TTC28: variants seen among roughly 807,000 people sequenced by gnomAD.
The protein encoded by TTC28 is tetratricopeptide repeat domain 28.
TTC28 carries 61 observed loss-of-function variants against 198.0 expected under a neutral mutation model. The ratio of observed to expected loss-of-function variants is 0.31; its 90% confidence interval spans 0.25 to 0.38. TTC28 has a LOEUF of 0.38. Among genes scored for constraint, TTC28 ranks in the 10% least tolerant of loss-of-function variants. The pLI is 1.00. For missense variants in TTC28, 2,678 were observed against 3,164.0 expected (o/e 0.85, Z 3.69); for synonymous variants, 1,171 against 1,297.8 (o/e 0.90, Z 2.10).
chr22:28,094,358 C>T (rs1457331068), intron 11 of TTC28, 113 bp from the exon 12 acceptor site: 6 of 1,207,140 alleles, frequency 5.0e-6, no homozygotes, highest in African/African-American at 1.5e-5. Flanking sequence ...ACAAGCATGC[C>T]ATCCTGCAAA....
intron 1 of TTC28, among the ~76,000 whole-genome samples, chr22:28,638,654 A>G (rs1359495116): frequency 6.6e-6 from 1 of 152,172 alleles, no homozygotes; most frequent in African/African-American, 2.4e-5. Context: ...GACAAATCAC[A>G]AAAAAAGGAA....
At position 28,446,712 on chromosome 22, in the gene TTC28, A is replaced by C. The variant is rs184939088; in HGVS notation, c.382-140069T>G. The stretch of plus-strand genomic sequence containing the variant: ...GTATAGCCTGCAGAACCATAAGCCA[A>C]TTAAACCTCTTTTCTTTATAAATTA... On this transcript the variant is annotated intron_variant, in intron 2 of 22. Transcript: ENST00000397906. 3.3e-5 allele frequency among the ~76,000 whole-genome samples: 5 copies of C among 152,280 alleles called. No individual in the cohort carries two copies. The East Asian group carries it at 9.6e-4, about 29-fold the overall frequency.
At chr22:28,493,988 TG>T (rs2048416553) in intron 2 of TTC28, among the ~76,000 whole-genome samples, 1 of 152,126 alleles carries the variant, frequency 6.6e-6, no homozygotes, top group African/African-American at 2.4e-5. Context: ...ACAAACACAC[TG>T]TGGGGTGAGA....
intron 2 of TTC28, among the ~76,000 whole-genome samples, chr22:28,486,495 G>T (rs2048316743): frequency 6.6e-6 from 1 of 152,028 alleles, no homozygotes; most frequent in African/African-American, 2.4e-5. Flanking sequence ...GCCAAAAGTG[G>T]GGGGGTGATA....
rs1353947516 is a variant in TTC28 at position 28,190,027 on chromosome 22, G to T, written c.934-26428C>A. Among the ~76,000 whole-genome samples the T allele has an allele frequency of 5.3e-5, 8 of 152,252 alleles. No homozygotes were observed. In the East Asian group the frequency reaches 1.5e-3, roughly 29 times the overall value. On this transcript the variant is annotated intron_variant, in intron 5 of 22. Coordinates refer to ENST00000397906, the MANE Select transcript of TTC28 (RefSeq NM_001145418.2). ...CTTTATAAGCAACAGAAATTAAGAA[G>T]GTATTGTTATTCCCCATTTTACATT...
intron 2 of TTC28, among the ~76,000 whole-genome samples, chr22:28,489,187 G>A (rs1029124561): frequency 3.9e-5 from 6 of 151,952 alleles, no homozygotes; most frequent in Non-Finnish European, 8.8e-5. Flanking sequence ...ATGAGGCTGA[G>A]GCAAGAGGAT....
chr22:28,019,340 C>A (rs922050010), intron 13 of TTC28, among the ~76,000 whole-genome samples: 1 of 152,232 alleles, frequency 6.6e-6, no homozygotes, highest in African/African-American at 2.4e-5. Flanking sequence ...GGCAAGCCCT[C>A]AACCCCTCTG....
chr22:28,016,479 GGCA>G (rs1200765221), intron 13 of TTC28, among the ~76,000 whole-genome samples: 7 of 152,216 alleles, frequency 4.6e-5, no homozygotes, highest in Admixed American at 4.6e-4. Context: ...ACAGCAGATG[GGCA>G]GCAGCAGGAG....
At chr22:28,532,857 G>T (rs1360868480) in intron 2 of TTC28, among the ~76,000 whole-genome samples, 1 of 152,084 alleles carries the variant, frequency 6.6e-6, no homozygotes, top group African/African-American at 2.4e-5. Context: ...AAATTCAAGA[G>T]TGCTTCATGC....
chr22:28,554,610 C>T (rs954670420), intron 2 of TTC28, among the ~76,000 whole-genome samples: 1 of 152,124 alleles, frequency 6.6e-6, no homozygotes, highest in African/African-American at 2.4e-5. Flanking sequence ...GACACTCACA[C>T]CTGTAATCCC....
intron 5 of TTC28, among the ~76,000 whole-genome samples, chr22:28,206,825 A>G (rs1358159833): frequency 2.0e-5 from 3 of 152,160 alleles, no homozygotes; most frequent in African/African-American, 7.2e-5. Flanking sequence ...ACTCAGCACT[A>G]TGGAAAGAAA....
rs996190746 is a variant in TTC28, at chr22:27,985,622, C to T, written c.5708-266G>A. 24 of 336,880 alleles carry T rather than the reference C, an allele frequency of 7.1e-5. No homozygotes were observed. In the East Asian group the frequency reaches 1.2e-3, roughly 16 times the overall value. The allele number at this position is 336,880 out of a possible 1,614,324, so 20.9% of individuals were successfully genotyped here. On this transcript the variant is annotated intron_variant, in intron 21 of 22. Transcript: ENST00000397906. ...TGCCTGGCTCTCCTCTGTCCCTTCACGGAAAGCACTATGGACCAGAACTCA... is the reference window on the plus strand; with the variant it reads ...TGCCTGGCTCTCCTCTGTCCCTTCATGGAAAGCACTATGGACCAGAACTCA...
intron 2 of TTC28, among the ~76,000 whole-genome samples, chr22:28,628,539 C>T (rs570914495): frequency 1.9e-3 from 292 of 152,284 alleles, no homozygotes; most frequent in African/African-American, 6.7e-3. Flanking sequence ...TGCATTAGAT[C>T]TCTAGAATTA....
intron 12 of TTC28, among the ~76,000 whole-genome samples, chr22:28,064,685 G>A (rs1940685524): frequency 6.6e-6 from 1 of 152,050 alleles, no homozygotes; most frequent in Admixed American, 6.6e-5. Flanking sequence ...TTCAGCATCA[G>A]CTCTACATTC....
Position 28,107,222 on chromosome 22 carries a change from C to A in TTC28, c.2623G>T (p.Asp875Tyr), listed in dbSNP as rs529615602. The change falls in exon 7 of 23, where the codon GAC becomes TAC. Residue 875 changes from aspartate to tyrosine, a missense_variant. Asp to Tyr is a radical substitution (Grantham distance 160). This residue lies in a region of TTC28 where 775 missense variants were observed against 845.9 expected (regional missense o/e 0.92). Coordinates refer to ENST00000397906, the MANE Select transcript of TTC28 (RefSeq NM_001145418.2). ...AGGTTGCCATAGGCCCGGCCCCTGT[C>A]GAGCACAGACTCATTTCCACTTAGC... ...QQLSGNESVL[D>Y]RGRAYGNLGD... The A allele has an allele frequency of 1.3e-6, 2 of 1,551,708 alleles. No homozygotes were observed. Among genetic ancestry groups the A allele is most frequent in the African/African-American group, 1.4e-5 (1 of 73,156 alleles).
chr22:28,219,594 G>C (rs1181350269), intron 5 of TTC28, among the ~76,000 whole-genome samples: 2 of 151,982 alleles, frequency 1.3e-5, no homozygotes, highest in African/African-American at 4.8e-5. Flanking sequence ...AAAGTACTCA[G>C]TAGGTGTTCA....
chr22:28,310,390 G>A (rs1455904702), intron 2 of TTC28, among the ~76,000 whole-genome samples: 1 of 152,096 alleles, frequency 6.6e-6, no homozygotes, highest in Non-Finnish European at 1.5e-5. Flanking sequence ...TTTACTAAAT[G>A]GCATTTCTCT....
intron 1 of TTC28, among the ~76,000 whole-genome samples, chr22:28,661,687 C>T (rs1328690124): frequency 6.6e-6 from 1 of 152,106 alleles, no homozygotes; most frequent in African/African-American, 2.4e-5. Context: ...CAGCTCACTG[C>T]AACCTCTGCC....
At chr22:28,239,042 A>ATT (rs1322201380) in intron 5 of TTC28, among the ~76,000 whole-genome samples, 5 of 152,100 alleles carry the variant, frequency 3.3e-5, no homozygotes, top group African/African-American at 1.2e-4. Context: ...TCAATGCTCT[A>ATT]TTTCCCTTCT....
Sources: allele counts gnomAD v4.1 joint callset (sites outside exome capture counted in the v4.1 genomes callset), GRCh38; gene constraint gnomAD v4.1.1; regional missense constraint gnomAD v4.1.1; transcripts MANE v1.5; gene names NCBI Gene and HGNC (gene_info 2026-07-23, HGNC 2026-07-21).